LUZP2: variants seen among roughly 807,000 people sequenced by gnomAD.
LUZP2 encodes the protein leucine zipper protein 2.
LUZP2 carries 52 observed loss-of-function variants against 51.6 expected under a neutral mutation model. The ratio of observed to expected loss-of-function variants is 1.01; its 90% CI spans 0.81 to 1.27. The LOEUF (loss-of-function observed/expected upper bound fraction) is 1.27, where lower values mean the gene tolerates loss of function less well. Ranked by LOEUF, LUZP2 falls within the 50% of genes most tolerant of loss-of-function variation. LUZP2 has a pLI of 0.00. For synonymous variants in LUZP2, 154 were observed against 137.3 expected, an observed-to-expected ratio of 1.12 and a Z score of -0.85; for missense variants, 436 against 395.4, an observed-to-expected ratio of 1.10 and a Z score of -0.87.
At chr11:24,761,059 A>G (rs963685333) in intron 4 of LUZP2, among the ~76,000 whole-genome samples, 1 of 152,166 alleles carries the variant, frequency 6.6e-6, no homozygotes, top group Admixed American at 6.5e-5. Flanking sequence ...TTATTTAGTT[A>G]TTCTTTACCC....
At chr11:24,508,272 T>C (rs943806841) in intron 1 of LUZP2, among the ~76,000 whole-genome samples, 4 of 152,110 alleles carry the variant, frequency 2.6e-5, no homozygotes, top group African/African-American at 9.7e-5. Context: ...AATTTTTGTG[T>C]TGGCTTCATT....
chr11:24,844,806 G>A (rs1233143834), intron 5 of LUZP2, among the ~76,000 whole-genome samples: 1 of 152,182 alleles, frequency 6.6e-6, no homozygotes, highest in African/African-American at 2.4e-5. Flanking sequence ...CAAGCCCCAA[G>A]TCTTGGCAGC....
chr11:24,540,970 C>T (rs1219749917), intron 1 of LUZP2, among the ~76,000 whole-genome samples: 2 of 151,832 alleles, frequency 1.3e-5, no homozygotes, highest in East Asian at 2.0e-4. Context: ...AGGTGATGGC[C>T]GGCTGGCCAT....
At chr11:24,623,194 A>G (rs1369748029) in intron 1 of LUZP2, among the ~76,000 whole-genome samples, 1 of 152,066 alleles carries the variant, frequency 6.6e-6, no homozygotes, top group East Asian at 1.9e-4. Flanking sequence ...TTATTAATGA[A>G]AAGTCCCACC....
At chr11:24,998,356 T>C (rs923336767) in intron 9 of LUZP2, among the ~76,000 whole-genome samples, 9 of 151,458 alleles carry the variant, frequency 5.9e-5, no homozygotes, top group East Asian at 1.9e-4. Flanking sequence ...AGTTGGATTC[T>C]TAGGTATTTT....
chr11:24,946,410 C>T (rs890787172), intron 7 of LUZP2, among the ~76,000 whole-genome samples: 1 of 151,506 alleles, frequency 6.6e-6, no homozygotes, highest in Non-Finnish European at 1.5e-5. Flanking sequence ...CTATTTTGTT[C>T]CCCTGATGCT....
At chr11:24,708,791 T>A (rs1857714834) in intron 1 of LUZP2, among the ~76,000 whole-genome samples, 1 of 152,242 alleles carries the variant, frequency 6.6e-6, no homozygotes, top group Admixed American at 6.5e-5. Flanking sequence ...CTCTAGAGGA[T>A]GTTTTTGCAA....
chr11:24,835,481 C>CTTCT (rs1226513025), intron 5 of LUZP2, among the ~76,000 whole-genome samples: 1 of 152,066 alleles, frequency 6.6e-6, no homozygotes, highest in African/African-American at 2.4e-5. Context: ...AATTAAAGAG[C>CTTCT]TTCTGCACAG....
chr11:25,049,712 A>G (rs906024696), intron 9 of LUZP2, among the ~76,000 whole-genome samples: 2 of 152,114 alleles, frequency 1.3e-5, no homozygotes, highest in Non-Finnish European at 1.5e-5. Context: ...GACAGGATAT[A>G]TACTTTGTGG....
intron 9 of LUZP2, among the ~76,000 whole-genome samples, chr11:25,032,756 G>T (rs1303492807): frequency 1.3e-5 from 2 of 152,124 alleles, no homozygotes; most frequent in African/African-American, 4.8e-5. Context: ...ATGCTGTAGG[G>T]TTTATTCAAG....
At chr11:24,557,197 G>A (rs1191600728) in intron 1 of LUZP2, among the ~76,000 whole-genome samples, 1 of 147,644 alleles carries the variant, frequency 6.8e-6, no homozygotes, top group African/African-American at 2.4e-5. Context: ...GTGACAACCT[G>A]AGTCCTATCT....
At chr11:24,744,209 G>T (rs1315085247) in intron 4 of LUZP2, among the ~76,000 whole-genome samples, 1 of 152,082 alleles carries the variant, frequency 6.6e-6, no homozygotes, top group Non-Finnish European at 1.5e-5. Flanking sequence ...TTGGTAATAG[G>T]GTGATGCTGG....
intron 9 of LUZP2, among the ~76,000 whole-genome samples, chr11:25,029,222 G>A (rs1375605958): frequency 6.6e-6 from 1 of 152,016 alleles, no homozygotes; most frequent in Non-Finnish European, 1.5e-5. Flanking sequence ...TTAAATAAAG[G>A]GTGTAAGAGG....
At chr11:24,643,929 T>C (rs927806092) in intron 1 of LUZP2, among the ~76,000 whole-genome samples, 1 of 152,192 alleles carries the variant, frequency 6.6e-6, no homozygotes, top group African/African-American at 2.4e-5. Context: ...CGTAATGTAA[T>C]GATGTTGATA....
chr11:24,761,865 C>T (rs181770747), intron 4 of LUZP2, among the ~76,000 whole-genome samples: 23 of 149,716 alleles, frequency 1.5e-4, no homozygotes, highest in Middle Eastern at 3.6e-3. Context: ...TTTTCATAAG[C>T]GCATACACAA....
At chr11:24,766,046 C>T (rs1227640168) in intron 5 of LUZP2, among the ~76,000 whole-genome samples, 5 of 152,148 alleles carry the variant, frequency 3.3e-5, no homozygotes, top group Admixed American at 2.6e-4. Flanking sequence ...CAGGAGTAAA[C>T]CACCATGCCC....
At chr11:24,501,986 G>T (rs1850008475) in intron 1 of LUZP2, among the ~76,000 whole-genome samples, 1 of 152,080 alleles carries the variant, frequency 6.6e-6, no homozygotes. Flanking sequence ...CTTACTATAT[G>T]TTATTAGGTA....
Position 24,588,242 on chromosome 11 carries a change from C to T in LUZP2, c.62+90937C>T, listed in dbSNP as rs150282321. On this transcript the variant is annotated intron_variant, in intron 1 of 11. Transcript: ENST00000336930. ...TCTGAGTCATCCTTGAATCATAGATCGTGCAGTTCACACAGAAGAGAAAGT... is the reference window on the plus strand; with the variant it reads ...TCTGAGTCATCCTTGAATCATAGATTGTGCAGTTCACACAGAAGAGAAAGT... Among the ~76,000 whole-genome samples, 9 of 152,042 alleles carry T rather than the reference C, an allele frequency of 5.9e-5. No homozygotes were observed. In the East Asian group the frequency reaches 1.6e-3, roughly 26 times the overall value.
At chr11:24,513,050 G>A (rs562001954) in intron 1 of LUZP2, among the ~76,000 whole-genome samples, 20 of 151,684 alleles carry the variant, frequency 1.3e-4, no homozygotes, top group East Asian at 1.2e-3. Flanking sequence ...GAGCCACCGC[G>A]CCCAGCAAAT....
Sources: gnomAD v4.1 joint callset for allele counts (sites outside exome capture counted in the v4.1 genomes callset) on GRCh38, gnomAD v4.1.1 for gene constraint, MANE v1.5 for transcripts, NCBI Gene and HGNC (gene_info 2026-07-23, HGNC 2026-07-21) for gene names.